Variants in NRL observed in about 807,000 individuals in gnomAD.
NRL encodes the protein neural retina-specific leucine zipper protein.
NRL carries 16 observed loss-of-function variants against 12.5 expected under a neutral mutation model. That is an observed-to-expected ratio of 1.28 (90% CI 0.87 to 1.95). The LOEUF (loss-of-function observed/expected upper bound fraction) is 1.95. Among genes scored for constraint, NRL ranks in the 30% most tolerant of loss-of-function variants. NRL has a pLI of 0.00. For synonymous variants in NRL, 142 were observed against 150.9 expected (o/e 0.94, Z 0.43); for missense variants, 314 against 325.8 (o/e 0.96, Z 0.28).
rs1239438828 is a variant in NRL, at chr14:24,081,654, C to G, written c.382-86G>C. The G allele has an allele frequency of 5.2e-6, 8 of 1,534,918 alleles. No individual in the cohort carries two copies. The African/African-American group carries it at 1.1e-4, about 21-fold the overall frequency. On this transcript the variant is annotated intron_variant, in intron 2 of 2. Transcript: ENST00000561028. The surrounding 1 kb of genome is among the most constrained non-coding windows in gnomAD (Gnocchi z 4.4). The stretch of plus-strand genomic sequence containing the variant: ...GGCCCGACGCTACCTGGCTCCGCCC[C>G]GGGACAGCCCCGCCCCGGCTCCCAC...
chr14:24,107,273 A>C (rs1358976739), intron 1 of NRL, among the ~76,000 whole-genome samples: 1 of 152,230 alleles, frequency 6.6e-6, no homozygotes, highest in African/African-American at 2.4e-5. Flanking sequence ...ATGGGGCTGC[A>C]TGCCCTTCAG....
intron 1 of NRL, chr14:24,102,715 G>A: frequency 6.3e-7 from 1 of 1,584,564 alleles, no homozygotes; most frequent in South Asian, 1.1e-5. Context: ...GGGTCGACAT[G>A]ACCTTGGAAA....
At chr14:24,107,924 T>C (rs1268456312) in intron 1 of NRL, among the ~76,000 whole-genome samples, 1 of 152,246 alleles carries the variant, frequency 6.6e-6, no homozygotes, top group East Asian at 1.9e-4. Context: ...CTATTATCCT[T>C]TGAAAAGGTA....
At chr14:24,103,914 G>C in intron 1 of NRL, 1 of 1,614,198 alleles carries the variant, frequency 6.2e-7, no homozygotes. Context: ...TCTGCCCAAA[G>C]AGGTGTTGGC....
At position 24,094,522 on chromosome 14, in the gene NRL, C is replaced by T; in HGVS notation, c.-27-11647G>A. Reference sequence around the variant, plus strand: ...CCAGTGGCGCTCTCCTGCTCTCAGCCTCCGCCAGGTTTCCCATCCTAGGCG... The same window carrying T: ...CCAGTGGCGCTCTCCTGCTCTCAGCTTCCGCCAGGTTTCCCATCCTAGGCG... On this transcript the variant is annotated intron_variant, in intron 1 of 2. Coordinates refer to ENST00000561028, the MANE Select transcript of NRL (RefSeq NM_001354768.3). The surrounding 1 kb of genome is among the most constrained non-coding windows in gnomAD (Gnocchi z 4.1). 1 of 1,449,460 alleles carries T rather than the reference C, an allele frequency of 6.9e-7. No individual in the cohort carries two copies. Among genetic ancestry groups the T allele is most frequent in the Non-Finnish European group, 9.0e-7 (1 of 1,106,610 alleles). 89.8% of individuals were successfully genotyped at this position (1,449,460 alleles called of 1,614,324 possible).
intron 2 of NRL, chr14:24,082,145 C>T: frequency 1.2e-6 from 1 of 865,804 alleles, no homozygotes; most frequent in South Asian, 5.3e-5. Flanking sequence ...TAACCCTTTC[C>T]CTGGTTTCCA....
intron 1 of NRL, chr14:24,100,095 C>T: frequency 6.2e-7 from 1 of 1,612,502 alleles, no homozygotes; most frequent in Non-Finnish European, 8.5e-7. Flanking sequence ...TCCAGAGTAA[C>T]ACTATTTTTA....
At chr14:24,084,443 G>T in intron 1 of NRL, 1 of 632,946 alleles carries the variant, frequency 1.6e-6, no homozygotes. Context: ...CTTGAAAACA[G>T]ACAACAGAGA....
intron 1 of NRL, chr14:24,103,126 G>C: frequency 6.5e-7 from 1 of 1,540,702 alleles, no homozygotes; most frequent in Non-Finnish European, 9.0e-7. Context: ...CCAAAGAAAA[G>C]GGCTGCCTGT....
intron 1 of NRL, among the ~76,000 whole-genome samples, chr14:24,084,166 T>C (rs2036407143): frequency 6.6e-6 from 1 of 152,178 alleles, no homozygotes; most frequent in African/African-American, 2.4e-5. Flanking sequence ...GACCCAGGCC[T>C]CTCTCTTCCT....
chr14:24,111,668 A>G (rs936216136), intron 1 of NRL, among the ~76,000 whole-genome samples: 1 of 151,958 alleles, frequency 6.6e-6, no homozygotes, highest in African/African-American at 2.4e-5. Context: ...CGCCCGGCCA[A>G]TTTTTTTAAA....
At chr14:24,096,228 C>CTTTTTTTTTTTTTTTTTTTTTTTTTTTT in intron 1 of NRL, among the ~76,000 whole-genome samples, 1 of 58,848 alleles carries the variant, frequency 1.7e-5, no homozygotes, top group Non-Finnish European at 2.9e-5. Flanking sequence ...CTACTCATTT[C>CTTTTTTTTTTTTTTTTTTTTTTTTTTTT]TTTTTTTTTT....
chr14:24,102,665 G>T, intron 1 of NRL: 115 of 1,003,232 alleles, frequency 1.1e-4, no homozygotes, highest in Non-Finnish European at 1.6e-4. Context: ...AAAAAAAAAA[G>T]AACCCTGCAA....
rs2036767173 is a variant in NRL, at chr14:24,094,526, G to A, written c.-27-11651C>T. 2 of 1,446,012 alleles carry A rather than the reference G, an allele frequency of 1.4e-6. No homozygotes were observed. Among genetic ancestry groups the A allele is most frequent in the Middle Eastern group, 2.0e-4 (1 of 4,882 alleles). 89.6% of individuals were successfully genotyped at this position (1,446,012 alleles called of 1,614,324 possible). ...TGGCGCTCTCCTGCTCTCAGCCTCC[G>A]CCAGGTTTCCCATCCTAGGCGGAGG... On this transcript the variant is annotated intron_variant, in intron 1 of 2. Coordinates refer to ENST00000561028, the MANE Select transcript of NRL (RefSeq NM_001354768.3). This position sits in a 1 kb window ranked among gnomAD's most constrained non-coding sequence, Gnocchi z 4.1.
chr14:24,078,815 A>C lies in NRL; in HGVS notation c.*2421T>G, dbSNP rs1430674899. ...TGGTCAAAAAACTGGTAGAACTGCA[A>C]CTTGAAACAGGGTCTCACTCTGCCA... On this transcript the variant is annotated 3_prime_UTR_variant, in exon 3 of 3. Transcript: ENST00000561028. Among the ~76,000 whole-genome samples the C allele has an allele frequency of 1.3e-5, 2 of 152,254 alleles. No homozygotes were observed. Among genetic ancestry groups the C allele is most frequent in the East Asian group, 3.9e-4 (2 of 5,180 alleles).
At chr14:24,101,082 T>C (rs1020005698) in intron 1 of NRL, among the ~76,000 whole-genome samples, 1 of 152,132 alleles carries the variant, frequency 6.6e-6, no homozygotes, top group African/African-American at 2.4e-5. Context: ...CCTTGCTTCA[T>C]CTAATCACCC....
chr14:24,090,551 T>C lies in NRL; in HGVS notation c.-27-7676A>G, dbSNP rs981705957. ...CTCAAGGAAGTACTCAGCTGTGAGC[T>C]ATCAGCAGCCAACACTCAGCAGCTG... On this transcript the variant is annotated intron_variant, in intron 1 of 2. Coordinates refer to ENST00000561028, the MANE Select transcript of NRL (RefSeq NM_001354768.3). Among the ~76,000 whole-genome samples the C allele has an allele frequency of 2.0e-4, 31 of 152,290 alleles. 1 individual carries two copies. The highest frequency in any genetic ancestry group is 6.3e-4 in the African/African-American group (26 of 41,538).
chr14:24,084,349 T>C (rs1320288953), intron 1 of NRL, among the ~76,000 whole-genome samples: 1 of 151,708 alleles, frequency 6.6e-6, no homozygotes, highest in Non-Finnish European at 1.5e-5. Flanking sequence ...GTGGGGAAGG[T>C]TGTTTATCTT....
chr14:24,081,251 G>T lies in NRL; in HGVS notation c.699C>A (p.Ser233=). ...TCTGAACGGCTCAGAGGAAGAGGTG[G>T]GAGGGGTCCCCGGACCCGGGGCCGC... is the stretch of plus-strand genomic sequence containing the variant. ...TSSGPGSGDP[S]HLFL Residue 233 remains serine, a synonymous_variant, in exon 3 of 3, where the codon TCC becomes TCA. Transcript: ENST00000561028. The surrounding 1 kb of genome is among the most constrained non-coding windows in gnomAD (Gnocchi z 4.4). 6.6e-7 allele frequency: 1 copy of T among 1,506,522 alleles called. No individual in the cohort carries two copies. The allele number at this position is 1,506,522 out of a possible 1,614,324, so 93.3% of individuals were successfully genotyped here.
Sources: allele counts gnomAD v4.1 joint callset (sites outside exome capture counted in the v4.1 genomes callset), GRCh38; gene constraint gnomAD v4.1.1; non-coding constraint Gnocchi (gnomAD v3.1); transcripts MANE v1.5; gene names NCBI Gene and HGNC (gene_info 2026-07-23, HGNC 2026-07-21).